The following WDR24 variants were observed in gnomAD, a reference collection of about 807,000 sequenced individuals.
The protein encoded by WDR24 is WD repeat domain 24.
In WDR24, 32 loss-of-function variants were observed where a neutral mutation model predicts 66.7. The observed-to-expected ratio is 0.48, with a 90% CI of 0.36 to 0.64. WDR24 has a LOEUF of 0.64. Ranked by LOEUF, WDR24 falls within the 30% of genes least tolerant of loss-of-function variation. The pLI is 0.00. For synonymous variants in WDR24, 565 were observed against 469.1 expected (o/e 1.20, Z -2.64); for missense variants, 978 against 1,144.1 (o/e 0.85, Z 2.09).
In WDR24 at chr16:685,033, G is replaced by A. The variant is rs1414639594; in HGVS notation, c.2163C>T (p.His721=). The change falls in exon 8 of 9, where the codon CAC becomes CAT. Residue 721 remains histidine, a synonymous_variant. Coordinates refer to ENST00000293883, the MANE Select transcript of WDR24 (RefSeq NM_032259.4). The part of the protein sequence containing the change: ...ASTTLHVNCS[H]CKRPMSSRGW... ...CCCGGCTGCTCATGGGCCGCTTGCA[G>A]TGGCTGCAGTTGACGTGCAGGGTGG... 2.6e-6 allele frequency: 4 copies of A among 1,557,160 alleles called. No individual in the cohort carries two copies. In the East Asian group the frequency reaches 9.6e-5, roughly 37 times the overall value.
At position 686,883 on chromosome 16, in the gene WDR24, C is replaced by T. The variant is rs1253765202; in HGVS notation, c.1193G>A (p.Ser398Asn). 1.4e-5 allele frequency: 22 copies of T among 1,609,614 alleles called. No homozygotes were observed. Among genetic ancestry groups the T allele is most frequent in the Non-Finnish European group, 1.8e-5 (21 of 1,179,622 alleles). Residue 398 changes from serine to asparagine, a missense_variant, in exon 3 of 9, where the codon AGT (serine) becomes AAT (asparagine). By Grantham distance (46) the Ser-to-Asn change is conservative. This residue lies in a region of WDR24 where 676 missense variants were observed against 617.5 expected (regional missense o/e 1.09). Transcript: ENST00000293883. ...PFAGLASSAL[S>N]VFETEPGGGG... The stretch of plus-strand genomic sequence containing the variant: ...GCCACCTGGCTCCGTCTCAAAGACA[C>T]TGAGGGCACTGGAGGCGAGGCCTGC...
rs752686146 is a variant in WDR24 at position 684,723 on chromosome 16, C to T, written c.*11G>A. The T allele has an allele frequency of 8.8e-6, 14 of 1,582,018 alleles. No homozygotes were observed. Among genetic ancestry groups the T allele is most frequent in the Non-Finnish European group, 1.2e-5 (14 of 1,164,442 alleles). On this transcript the variant is annotated 3_prime_UTR_variant, in exon 9 of 9. Transcript: ENST00000293883. Reference sequence around the variant, plus strand: ...CACGCGGCCGCCCGGGCAAGCCCAGCAGATGCCCCGTCAGGAGTACTCGCA... The same window carrying T: ...CACGCGGCCGCCCGGGCAAGCCCAGTAGATGCCCCGTCAGGAGTACTCGCA...
chr16:689,063 G>A (rs977114481), intron 1 of WDR24, 97 bp downstream of exon 1: 3 of 1,540,318 alleles, frequency 1.9e-6, no homozygotes, highest in Non-Finnish European at 1.8e-6. Flanking sequence ...GAGTGATCCT[G>A]AGGGCCTCTG....
At position 686,133 on chromosome 16, in the gene WDR24, C is replaced by T. The variant is rs779670439; in HGVS notation, c.1386G>A (p.Val462=). 8.1e-6 allele frequency: 13 copies of T among 1,612,960 alleles called. No homozygotes were observed. Among genetic ancestry groups the T allele is most frequent in the African/African-American group, 2.7e-5 (2 of 74,918 alleles). ...LRIIYCSPGL[V]PTANLNHSVG... ...CACTGTGGTTGAGGTTTGCAGTGGG[C>T]ACTAGGCCAGGGCTGCAGTAGATGA... Residue 462 remains valine (V), a synonymous_variant, in exon 4 of 9, where the codon GTG becomes GTA. Transcript: ENST00000293883.
rs1444202349 is a variant in WDR24 at position 684,872 on chromosome 16, G to A, written c.2235C>T (p.Val745=). ...AGAGACCCTTGACTACGTGGTGGCAGACGGCACACATGCTGGCGCAGCGGT... is the reference window on the plus strand; with the variant it reads ...AGAGACCCTTGACTACGTGGTGGCAAACGGCACACATGCTGGCGCAGCGGT... ...RCHRCASMCA[V]CHHVVKGLFV... The change falls in exon 9 of 9, where the codon GTC becomes GTT. Residue 745 remains valine, a synonymous_variant. Coordinates refer to ENST00000293883, the MANE Select transcript of WDR24 (RefSeq NM_032259.4). 2.7e-6 allele frequency: 4 copies of A among 1,505,092 alleles called. No individual in the cohort carries two copies. Among genetic ancestry groups the A allele is most frequent in the South Asian group, 2.4e-5 (2 of 83,438 alleles). 93.2% of individuals were successfully genotyped at this position (1,505,092 alleles called of 1,614,324 possible). A position where few individuals can be genotyped will look rare whatever the true frequency, so the allele number is the denominator to read the frequency against.
At chr16:686,517 A>AC (rs2039909505) in intron 3 of WDR24, among the ~76,000 whole-genome samples, 1 of 151,808 alleles carries the variant, frequency 6.6e-6, no homozygotes, top group South Asian at 2.1e-4. Context: ...CTTGAGCCAC[A>AC]CGACTCCCGA....
intron 2 of WDR24, 30 bp downstream of exon 2, chr16:687,532 A>T: frequency 6.2e-7 from 1 of 1,606,068 alleles, no homozygotes; most frequent in Non-Finnish European, 8.5e-7. Flanking sequence ...CTTACTGTCA[A>T]CCTACTGCCC....
At position 685,261 on chromosome 16, in the gene WDR24, G is replaced by A. The variant is rs1296264875; in HGVS notation, c.2015C>T (p.Thr672Ile). Residue 672 changes from threonine to isoleucine, a missense_variant, in exon 7 of 9, where the codon ACC becomes ATC. Thr to Ile is a moderately conservative substitution (Grantham distance 89). This residue lies in a region of WDR24 where 676 missense variants were observed against 617.5 expected (regional missense o/e 1.09). Coordinates refer to ENST00000293883, the MANE Select transcript of WDR24 (RefSeq NM_032259.4). ...ERVRKDIDEQ[T>I]QEHWYTSYID... The stretch of plus-strand genomic sequence containing the variant: ...GAGGCCCCGCCCACCACACACCTGG[G>A]TCTGCTCGTCGATGTCCTTGCGCAC... 2 of 1,593,834 alleles carry A rather than the reference G, an allele frequency of 1.3e-6. No homozygotes were observed. Among genetic ancestry groups the A allele is most frequent in the Non-Finnish European group, 8.5e-7 (1 of 1,170,140 alleles).
In WDR24 at chr16:684,893, G is replaced by C; in HGVS notation, c.2214C>G (p.Arg738=). 6.5e-7 allele frequency: 1 copy of C among 1,542,172 alleles called. No individual in the cohort carries two copies. Among genetic ancestry groups the C allele is most frequent in the South Asian group, 1.2e-5 (1 of 83,756 alleles). ...GGCAGACGGCACACATGCTGGCGCA[G>C]CGGTGGCACCTGGGGGCGGGCGGGA... ...SRGWVCDRCH[R]CASMCAVCHH... Residue 738 remains arginine (R), a synonymous_variant, in exon 9 of 9, where the codon CGC becomes CGG. Transcript: ENST00000293883.
intron 3 of WDR24, 120 bp from the exon 4 acceptor site, chr16:686,306 AG>A: frequency 8.9e-7 from 1 of 1,123,974 alleles, no homozygotes; most frequent in South Asian, 1.6e-5. Context: ...CCCAATGTCC[AG>A]GCCCACCCCA....
chr16:685,639 A>G, intron 6 of WDR24, 40 bp downstream of exon 6: 2 of 1,611,320 alleles, frequency 1.2e-6, no homozygotes, highest in Non-Finnish European at 1.7e-6. Flanking sequence ...TCTGTCCTCC[A>G]TCCGCCTCTG....
At position 684,634 on chromosome 16, in the gene WDR24, C is replaced by T. The variant is rs1324803366; in HGVS notation, c.*100G>A. 2.8e-6 allele frequency: 4 copies of T among 1,452,324 alleles called. No homozygotes were observed. The highest frequency in any genetic ancestry group is 1.4e-5 in the South Asian group (1 of 71,020). The allele number at this position is 1,452,324 out of a possible 1,614,324, so 90.0% of individuals were successfully genotyped here. ...CGCAGTGCCGACAGCGGCTCTACTT[C>T]CTTTATTGAGGTCTCAAGTTCCAGC... On this transcript the variant is annotated 3_prime_UTR_variant, in exon 9 of 9. Coordinates refer to ENST00000293883, the MANE Select transcript of WDR24 (RefSeq NM_032259.4).
rs773227188 is a variant in WDR24 at position 686,071 on chromosome 16, T to C, written c.1448A>G (p.Asn483Ser). The C allele has an allele frequency of 3.7e-6, 6 of 1,612,870 alleles. No homozygotes were observed. The South Asian group carries it at 6.6e-5, about 18-fold the overall frequency. The change falls in exon 4 of 9, where the codon AAC becomes AGC. Residue 483 changes from asparagine (N) to serine (S), a missense_variant. Transcript: ENST00000293883. Reference sequence around the variant, plus strand: ...GAGAGCTGCCCCCGGCATCTACCTGTTCATGAGCGGGAGGCCACAGGAGCC... The same window carrying C: ...GAGAGCTGCCCCCGGCATCTACCTGCTCATGAGCGGGAGGCCACAGGAGCC... ...KGGSCGLPLM[N>S]SFNLKDMAPG... is the part of the protein sequence containing the mutation.
chr16:685,313 A>C lies in WDR24; in HGVS notation c.1963T>G (p.Ser655Ala). The C allele has an allele frequency of 6.2e-7, 1 of 1,604,768 alleles. No individual in the cohort carries two copies. The highest frequency in any genetic ancestry group is 8.5e-7 in the Non-Finnish European group (1 of 1,177,126). ...CGTTCACCCAGGACGATGAGCACAG[A>C]CACAGCCATCTGCACGTCGCCCTGC... ...AEQGDVQMAV[S>A]VLIVLGERVR... The change falls in exon 7 of 9, where the codon TCT (serine) becomes GCT (alanine). Residue 655 changes from serine (S) to alanine (A), a missense_variant. By Grantham distance (99) the Ser-to-Ala change is moderately conservative. Coordinates refer to ENST00000293883, the MANE Select transcript of WDR24 (RefSeq NM_032259.4).
chr16:685,560 A>G lies in WDR24; in HGVS notation c.1716T>C (p.Phe572=), dbSNP rs1567292487. Residue 572 remains phenylalanine, a synonymous_variant, in exon 7 of 9, where the codon TTT becomes TTC. Transcript: ENST00000293883. ...DPECVLPQEA[F]PLRHEIVDTP... is the part of the protein sequence containing the mutation. ...TGTCCACGATCTCGTGGCGCAGCGG[A>G]AAGGCCTCCTGCGGCAGCACGCACT... 1 of 1,587,650 alleles carries G rather than the reference A, an allele frequency of 6.3e-7. No homozygotes were observed. Among genetic ancestry groups the G allele is most frequent in the Non-Finnish European group, 8.6e-7 (1 of 1,165,464 alleles).
At position 686,130 on chromosome 16, in the gene WDR24, G is replaced by A. The variant is rs755937927; in HGVS notation, c.1389C>T (p.Pro463=). 3 of 1,612,940 alleles carry A rather than the reference G, an allele frequency of 1.9e-6. No homozygotes were observed. The African/African-American group carries it at 4.0e-5, about 22-fold the overall frequency. ...RIIYCSPGLV[P]TANLNHSVGK... ...CCACACTGTGGTTGAGGTTTGCAGT[G>A]GGCACTAGGCCAGGGCTGCAGTAGA... The change falls in exon 4 of 9, where the codon CCC becomes CCT. Residue 463 remains proline, a synonymous_variant. Coordinates refer to ENST00000293883, the MANE Select transcript of WDR24 (RefSeq NM_032259.4).
At chr16:688,231 C>T in intron 1 of WDR24, 3 of 366,796 alleles carry the variant, frequency 8.2e-6, no homozygotes, top group South Asian at 6.0e-5. Context: ...GACCACCACA[C>T]CAAGAAACTT....
At chr16:688,178 C>A in intron 1 of WDR24, 3 of 430,378 alleles carry the variant, frequency 7.0e-6, no homozygotes, top group South Asian at 1.6e-5. Context: ...GCCTGGTCAG[C>A]CCCAAAGGAC....
In WDR24 at chr16:684,878, A is replaced by G; in HGVS notation, c.2229T>C (p.Cys743=). 2.7e-6 allele frequency: 4 copies of G among 1,483,200 alleles called. No homozygotes were observed. The highest frequency in any genetic ancestry group is 3.6e-6 in the Non-Finnish European group (4 of 1,105,692). 91.9% of individuals were successfully genotyped at this position (1,483,200 alleles called of 1,614,324 possible). ...CCTTGACTACGTGGTGGCAGACGGC[A>G]CACATGCTGGCGCAGCGGTGGCACC... ...CDRCHRCASM[C]AVCHHVVKGL... Residue 743 remains cysteine, a synonymous_variant, in exon 9 of 9, where the codon TGT becomes TGC. Transcript: ENST00000293883.
Sources: gnomAD v4.1 joint callset for allele counts (sites outside exome capture counted in the v4.1 genomes callset) on GRCh38, gnomAD v4.1.1 for gene constraint, gnomAD v4.1.1 regional missense constraint, MANE v1.5 for transcripts, NCBI Gene and HGNC (gene_info 2026-07-23, HGNC 2026-07-21) for gene names.